Variants in EXOSC7 observed in about 807,000 individuals in gnomAD.
EXOSC7 encodes exosome complex component RRP42.
In EXOSC7, 25 loss-of-function variants were observed where a neutral mutation model predicts 34.3. The observed-to-expected ratio is 0.73, with a 90% CI of 0.53 to 1.02. The LOEUF is 1.02. Among genes scored for constraint, EXOSC7 ranks in the 50% least tolerant of loss-of-function variants. The probability of loss-of-function intolerance (pLI) is 0.00; values close to 1 mark genes in which losing one functional copy is unlikely to be tolerated. For missense variants in EXOSC7, 370 were observed against 368.5 expected, an observed-to-expected ratio of 1.00 and a Z score of -0.03; for synonymous variants, 130 against 143.0, an observed-to-expected ratio of 0.91 and a Z score of 0.65.
At chr3:45,007,614 C>A (rs539043921) in intron 7 of EXOSC7, 39 bp downstream of exon 7, 1 of 1,542,526 alleles carries the variant, frequency 6.5e-7, no homozygotes, top group Non-Finnish European at 8.8e-7. Flanking sequence ...GGGACCTGGC[C>A]GGGGTGCCTG....
chr3:45,009,980 G>A (rs1240356916), intron 7 of EXOSC7, among the ~76,000 whole-genome samples: 1 of 152,136 alleles, frequency 6.6e-6, no homozygotes, highest in Non-Finnish European at 1.5e-5. Context: ...TTACAGTTAG[G>A]GGCCAGGGGA....
chr3:44,993,994 A>G (rs1172337684), intron 3 of EXOSC7, among the ~76,000 whole-genome samples: 1 of 152,150 alleles, frequency 6.6e-6, no homozygotes, highest in Admixed American at 6.5e-5. Context: ...TAGACTATAA[A>G]CCAAGCTTGC....
chr3:44,989,339 T>A, intron 2 of EXOSC7, 98 bp downstream of exon 2: 1 of 1,021,390 alleles, frequency 9.8e-7, no homozygotes, highest in Admixed American at 2.1e-5. Flanking sequence ...TGCAAATTGC[T>A]CTTGGGGAAA....
At position 44,976,302 on chromosome 3, in the gene EXOSC7, G is replaced by C. The variant is rs767013068; in HGVS notation, c.25G>C (p.Ala9Pro). The C allele has an allele frequency of 2.8e-5, 44 of 1,564,296 alleles. No individual in the cohort carries two copies. Among genetic ancestry groups the C allele is most frequent in the Non-Finnish European group, 3.8e-5 (44 of 1,162,054 alleles). Residue 9 changes from alanine (A) to proline (P), a missense_variant, in exon 1 of 8, where the codon GCG (alanine) becomes CCG (proline). Ala to Pro is a conservative substitution (Grantham distance 27). This residue lies in a region of EXOSC7 where 95 missense variants were observed against 79.8 expected (regional missense o/e 1.19). Coordinates refer to ENST00000265564, the MANE Select transcript of EXOSC7 (RefSeq NM_015004.4). ...CATGGCGTCCGTGACGCTGAGCGAG[G>C]CGGAGAAGGTGTACATCGTGCATGG... is the stretch of plus-strand genomic sequence containing the variant. MASVTLSE[A>P]EKVYIVHGVQ... is the part of the protein sequence containing the mutation.
intron 7 of EXOSC7, among the ~76,000 whole-genome samples, chr3:45,010,527 G>A (rs1044878553): frequency 1.3e-5 from 2 of 152,142 alleles, no homozygotes; most frequent in African/African-American, 4.8e-5. Flanking sequence ...GGGATTACAA[G>A]CATGAGCCAC....
intron 3 of EXOSC7, among the ~76,000 whole-genome samples, chr3:44,989,857 C>T (rs2125965382): frequency 6.6e-6 from 1 of 152,224 alleles, no homozygotes; most frequent in South Asian, 2.1e-4. Flanking sequence ...CTATTGCTGG[C>T]CTTGTTTTCC....
At chr3:45,006,633 G>A (rs528289613) in intron 6 of EXOSC7, among the ~76,000 whole-genome samples, 4 of 149,048 alleles carry the variant, frequency 2.7e-5, no homozygotes, top group South Asian at 4.3e-4. Context: ...AGCCAGGATG[G>A]TCTCGATCTC....
intron 1 of EXOSC7, among the ~76,000 whole-genome samples, chr3:44,986,411 A>T (rs1334911358): frequency 6.6e-6 from 1 of 152,098 alleles, no homozygotes. Flanking sequence ...CGCTGAGCCC[A>T]TGCCCACCCA....
At chr3:45,000,017 A>G (rs546414880) in intron 4 of EXOSC7, among the ~76,000 whole-genome samples, 4 of 152,304 alleles carry the variant, frequency 2.6e-5, no homozygotes, top group African/African-American at 7.2e-5. Flanking sequence ...CTTCAAACCT[A>G]TTACAGTCAG....
intron 7 of EXOSC7, among the ~76,000 whole-genome samples, chr3:45,009,275 T>C (rs1227005918): frequency 6.6e-6 from 1 of 152,212 alleles, no homozygotes; most frequent in Non-Finnish European, 1.5e-5. Flanking sequence ...TCTTACTGTT[T>C]ATCTCACACA....
At chr3:44,999,433 A>G (rs1706814970) in intron 4 of EXOSC7, among the ~76,000 whole-genome samples, 2 of 152,238 alleles carry the variant, frequency 1.3e-5, no homozygotes, top group Non-Finnish European at 2.9e-5. Flanking sequence ...TCACACCTGT[A>G]ATCCCAGCAC....
intron 7 of EXOSC7, among the ~76,000 whole-genome samples, chr3:45,008,510 T>A (rs1173663308): frequency 6.6e-6 from 1 of 152,192 alleles, no homozygotes; most frequent in African/African-American, 2.4e-5. Flanking sequence ...GCTGTGAGGG[T>A]GTACTGCCCT....
chr3:45,011,527 A>T (rs977034536), downstream of EXOSC7: 3 of 479,502 alleles, frequency 6.3e-6, no homozygotes, highest in African/African-American at 4.0e-5. Flanking sequence ...TCAGTGACCC[A>T]TCTGGGTCTG....
intron 1 of EXOSC7, among the ~76,000 whole-genome samples, chr3:44,982,615 G>C (rs1000290621): frequency 6.6e-6 from 1 of 152,282 alleles, no homozygotes; most frequent in Non-Finnish European, 1.5e-5. Flanking sequence ...TTGTTTAGGG[G>C]TATAGCATGG....
In EXOSC7 at chr3:44,976,311, G is replaced by A; in HGVS notation, c.34G>A (p.Val12Met). Residue 12 changes from valine (V) to methionine (M), a missense_variant, in exon 1 of 8, where the codon GTG becomes ATG. Around this residue, in one of 3 missense-constraint regions of EXOSC7, gnomAD observed 95 missense variants for 79.8 expected, o/e 1.19. Transcript: ENST00000265564. ...CGTGACGCTGAGCGAGGCGGAGAAG[G>A]TGTACATCGTGCATGGCGTCCAGGT... ...ASVTLSEAEK[V>M]YIVHGVQEDL... The A allele has an allele frequency of 1.3e-6, 2 of 1,570,140 alleles. No individual in the cohort carries two copies. The highest frequency in any genetic ancestry group is 2.5e-5 in the East Asian group (1 of 39,328).
At chr3:44,995,277 C>G (rs982349335) in intron 3 of EXOSC7, among the ~76,000 whole-genome samples, 1 of 152,170 alleles carries the variant, frequency 6.6e-6, no homozygotes, top group African/African-American at 2.4e-5. Context: ...GCCACCACGC[C>G]TGGCCAGGGG....
chr3:44,999,966 G>C (rs754786489), intron 4 of EXOSC7, among the ~76,000 whole-genome samples: 7 of 152,056 alleles, frequency 4.6e-5, no homozygotes, highest in Non-Finnish European at 7.4e-5. Context: ...TGTTCAAACA[G>C]ATATTTGCTG....
At chr3:45,008,568 G>T (rs747651077) in intron 7 of EXOSC7, among the ~76,000 whole-genome samples, 8 of 152,100 alleles carry the variant, frequency 5.3e-5, no homozygotes, top group Non-Finnish European at 1.2e-4. Context: ...CTGCAAAGTG[G>T]GACTGATAAT....
intron 4 of EXOSC7, among the ~76,000 whole-genome samples, chr3:45,000,473 A>G (rs760077483): frequency 3.3e-5 from 5 of 152,192 alleles, no homozygotes; most frequent in Non-Finnish European, 7.3e-5. Flanking sequence ...TTTATTCCAT[A>G]ACCTCAGGCC....
Sources: allele counts gnomAD v4.1 joint callset (sites outside exome capture counted in the v4.1 genomes callset), GRCh38; gene constraint gnomAD v4.1.1; regional missense constraint gnomAD v4.1.1; transcripts MANE v1.5; gene names NCBI Gene and HGNC (gene_info 2026-07-23, HGNC 2026-07-21).